The following RFC2 variants were observed in gnomAD, a reference collection of about 807,000 sequenced individuals.
The protein encoded by RFC2 is replication factor C subunit 2.
In RFC2, 34 loss-of-function variants were observed where a neutral mutation model predicts 44.8. The ratio of observed to expected loss-of-function variants is 0.76; its 90% confidence interval spans 0.58 to 1.01. RFC2 has a LOEUF of 1.01. RFC2 is among the 50% of genes least tolerant of loss of function. The pLI is 0.00. For missense variants in RFC2, 400 were observed against 453.6 expected (o/e 0.88, Z 1.07); for synonymous variants, 177 against 168.9 (o/e 1.05, Z -0.37).
chr7:74,253,139 C>T (rs1787066834), intron 1 of RFC2, among the ~76,000 whole-genome samples: 1 of 152,128 alleles, frequency 6.6e-6, no homozygotes, highest in South Asian at 2.1e-4. Flanking sequence ...AGAGGCCCAG[C>T]ACATACAGCA....
At chr7:74,250,043 C>T (rs1350333442) in intron 2 of RFC2, among the ~76,000 whole-genome samples, 1 of 151,460 alleles carries the variant, frequency 6.6e-6, no homozygotes, top group Non-Finnish European at 1.5e-5. Context: ...CTCCCAGCTA[C>T]TCGGGAGGCT....
At position 74,244,140 on chromosome 7, in the gene RFC2, C is replaced by T. The variant is rs1554719656; in HGVS notation, c.435-894G>A. Reference sequence around the variant, plus strand: ...AAAATTGTCTGGGCGTGGTGGCGCACGTCTGTAGTCCCAGCTACTCGTGAG... The same window carrying T: ...AAAATTGTCTGGGCGTGGTGGCGCATGTCTGTAGTCCCAGCTACTCGTGAG... On this transcript the variant is annotated intron_variant, in intron 5 of 10. Coordinates refer to ENST00000055077, the MANE Select transcript of RFC2 (RefSeq NM_181471.3). 2.7e-5 allele frequency among the ~76,000 whole-genome samples: 4 copies of T among 149,168 alleles called. No homozygotes were observed. The South Asian group carries it at 6.4e-4, about 24-fold the overall frequency.
chr7:74,241,267 T>C (rs1269982303), intron 6 of RFC2, among the ~76,000 whole-genome samples: 2 of 152,206 alleles, frequency 1.3e-5, no homozygotes, highest in African/African-American at 4.8e-5. Flanking sequence ...CTCCATTTCA[T>C]TGCTGGCATC....
chr7:74,252,367 A>G (rs1787014066), intron 2 of RFC2, 62 bp downstream of exon 2: 3 of 877,086 alleles, frequency 3.4e-6, no homozygotes. Context: ...AGATCGCACC[A>G]CTGCACTCCA....
intron 7 of RFC2, 73 bp from the exon 8 acceptor site, chr7:74,239,061 C>T (rs1390316692): frequency 8.2e-7 from 1 of 1,224,178 alleles, no homozygotes; most frequent in Non-Finnish European, 1.2e-6. Context: ...AGGAGTCTCG[C>T]TATGTTGCCC....
chr7:74,249,065 C>G lies in RFC2; in HGVS notation c.279G>C (p.Leu93=). ...TTSILCLARA[L]LGPALKDAML... ...TGGCATCTTTGAGTGCTGGGCCCAG[C>G]AGGGCCCGGGCCAAGCACAGAATGC... Residue 93 remains leucine (L), a synonymous_variant, in exon 4 of 11, where the codon CTG becomes CTC. Coordinates refer to ENST00000055077, the MANE Select transcript of RFC2 (RefSeq NM_181471.3). The G allele has an allele frequency of 1.2e-6, 2 of 1,614,026 alleles. No homozygotes were observed. The highest frequency in any genetic ancestry group is 2.2e-5 in the South Asian group (2 of 91,082).
At chr7:74,249,966 A>C in intron 2 of RFC2, 186 bp from the exon 3 acceptor site, 1 of 622,226 alleles carries the variant, frequency 1.6e-6, no homozygotes, top group Non-Finnish European at 3.0e-6. Flanking sequence ...AGCCTGGGCA[A>C]CACAGTGAGA....
At chr7:74,248,921 C>T in intron 4 of RFC2, 91 bp downstream of exon 4, 5 of 871,094 alleles carry the variant, frequency 5.7e-6, no homozygotes, top group South Asian at 1.4e-5. Context: ...GGCAAGGCTT[C>T]GCATACAACC....
chr7:74,243,998 C>G (rs1803469409), intron 5 of RFC2, among the ~76,000 whole-genome samples: 1 of 150,828 alleles, frequency 6.6e-6, no homozygotes, highest in Non-Finnish European at 1.5e-5. Flanking sequence ...TGCCTGTAAT[C>G]CCAGCACATT....
rs977824947 is a variant in RFC2, at chr7:74,231,783, G to A, written c.*323C>T. The A allele has an allele frequency of 6.7e-5, 13 of 194,830 alleles. No homozygotes were observed. Among genetic ancestry groups the A allele is most frequent in the Admixed American group, 2.8e-4 (5 of 18,150 alleles). The allele number at this position is 194,830 out of a possible 1,614,324, so 12.1% of individuals were successfully genotyped here. ...CAACCTCCACCTCCTGGGTTCAAGC[G>A]ATTCTCCTGCCACAGCCTCCCGAGT... On this transcript the variant is annotated 3_prime_UTR_variant, in exon 11 of 11. Transcript: ENST00000055077.
chr7:74,245,839 T>G (rs1031884067), intron 5 of RFC2, among the ~76,000 whole-genome samples: 1 of 151,848 alleles, frequency 6.6e-6, no homozygotes, highest in African/African-American at 2.4e-5. Flanking sequence ...GGCGGGTAGA[T>G]CACCTGAAGT....
Position 74,254,317 on chromosome 7 carries a change from C to T in RFC2, c.67G>A (p.Ala23Thr), listed in dbSNP as rs376625414. Residue 23 changes from alanine (A) to threonine (T), a missense_variant, in exon 1 of 11, where the codon GCC (alanine) becomes ACC (threonine). Transcript: ENST00000055077. Reference protein sequence around the residue: ...VEAQDSDPAPAFSKAPGSAGH... With the variant: ...VEAQDSDPAPTFSKAPGSAGH... The stretch of plus-strand genomic sequence containing the variant: ...GCGCTGCCGGGGGCCTTGCTGAAGG[C>T]AGGGGCAGGGTCAGAGTCCTGGGCC... 9 of 1,612,712 alleles carry T rather than the reference C, an allele frequency of 5.6e-6. No homozygotes were observed. Among genetic ancestry groups the T allele is most frequent in the Non-Finnish European group, 7.6e-6 (9 of 1,179,650 alleles).
rs1554718490 is a variant in RFC2 at position 74,237,362 on chromosome 7, C to A, written c.840G>T (p.Lys280Asn). Residue 280 changes from lysine (K) to asparagine (N), a missense_variant and splice_region_variant, in exon 9 of 11, where the codon AAG (lysine) becomes AAT (asparagine). Coordinates refer to ENST00000055077, the MANE Select transcript of RFC2 (RefSeq NM_181471.3). ...CCAGGACGGGGGGAAGGAGGCCAAC[C>A]TTGTAGGCTTCGTCAATGTTGGCAT... ...CVNANIDEAYKILAHLWHLGY... is the reference protein window; with the variant it reads ...CVNANIDEAYNILAHLWHLGY... 6.2e-7 allele frequency: 1 copy of A among 1,602,686 alleles called. No individual in the cohort carries two copies. The highest frequency in any genetic ancestry group is 8.5e-7 in the Non-Finnish European group (1 of 1,174,868).
Position 74,239,945 on chromosome 7 carries a change from A to C in RFC2, c.686T>G (p.Met229Arg). 6.2e-7 allele frequency: 1 copy of C among 1,604,876 alleles called. No homozygotes were observed. Among genetic ancestry groups the C allele is most frequent in the Non-Finnish European group, 8.5e-7 (1 of 1,175,612 alleles). The change falls in exon 7 of 11, where the codon ATG (methionine) becomes AGG (arginine). Residue 229 changes from methionine (M) to arginine (R), a missense_variant. Met to Arg is a moderately conservative substitution (Grantham distance 91). Coordinates refer to ENST00000055077, the MANE Select transcript of RFC2 (RefSeq NM_181471.3). ...EAIIFTAQGD[M>R]RQALNNLQST... is the part of the protein sequence containing the mutation. Reference sequence around the variant, plus strand: ...TGGTAGCAGCCCACATACCTGCCTCATGTCTCCCTGGGCCGTGAAGATGAT... The same window carrying C: ...TGGTAGCAGCCCACATACCTGCCTCCTGTCTCCCTGGGCCGTGAAGATGAT...
intron 3 of RFC2, 37 bp downstream of exon 3, chr7:74,249,702 A>G (rs899459889): frequency 1.9e-6 from 3 of 1,570,270 alleles, no homozygotes; most frequent in Non-Finnish European, 2.6e-6. Flanking sequence ...GGGATGAGAC[A>G]TGGAGACACT....
chr7:74,240,079 G>A lies in RFC2; in HGVS notation c.552C>T (p.Arg184=). The A allele has an allele frequency of 6.2e-7, 1 of 1,613,982 alleles. No homozygotes were observed. The highest frequency in any genetic ancestry group is 8.5e-7 in the Non-Finnish European group (1 of 1,179,914). The part of the protein sequence containing the change: ...SDKIIEPIQS[R]CAVLRYTKLT... Reference sequence around the variant, plus strand: ...GCTTTGTGTACCGGAGGACTGCACAGCGGGACTGAATGGGCTCTGAACAGA... The same window carrying A: ...GCTTTGTGTACCGGAGGACTGCACAACGGGACTGAATGGGCTCTGAACAGA... The change falls in exon 7 of 11, where the codon CGC becomes CGT. Residue 184 remains arginine (R), a synonymous_variant. Transcript: ENST00000055077.
In RFC2 at chr7:74,244,096, CA is replaced by C. The variant is rs1179272254; in HGVS notation, c.435-851del. Among the ~76,000 whole-genome samples, 384 of 41,648 alleles carry C rather than the reference CA, an allele frequency of 9.2e-3. 1 individual carries two copies. The highest frequency in any genetic ancestry group is 0.031 in the Middle Eastern group (2 of 64). 27.3% of individuals were successfully genotyped at this position (41,648 alleles called of 152,430 possible). On this transcript the variant is annotated intron_variant, in intron 5 of 10. Coordinates refer to ENST00000055077, the MANE Select transcript of RFC2 (RefSeq NM_181471.3). ...CAAAACGTCAACTCTACTAAAAATA[CA>C]AAAAAAAAAAAAAAAAAAAAATTGT...
At position 74,245,826 on chromosome 7, in the gene RFC2, C is replaced by T. The variant is rs147168726; in HGVS notation, c.434+836G>A. ...CTATAATCCCAGCATTTTGGGAGGC[C>T]GAGGCGGGTAGATCACCTGAAGTCA... is the stretch of plus-strand genomic sequence containing the variant. On this transcript the variant is annotated intron_variant, in intron 5 of 10. Coordinates refer to ENST00000055077, the MANE Select transcript of RFC2 (RefSeq NM_181471.3). 6.4e-3 allele frequency among the ~76,000 whole-genome samples: 975 copies of T among 151,894 alleles called. 3 individuals carry two copies. The highest frequency in any genetic ancestry group is 0.012 in the Admixed American group (187 of 15,202).
intron 6 of RFC2, among the ~76,000 whole-genome samples, chr7:74,242,859 G>T (rs1803414255): frequency 6.6e-6 from 1 of 151,694 alleles, no homozygotes. Flanking sequence ...GGAGGTGGAG[G>T]TTGCAGTGAT....
Sources: allele counts gnomAD v4.1 joint callset (sites outside exome capture counted in the v4.1 genomes callset), GRCh38; gene constraint gnomAD v4.1.1; transcripts MANE v1.5; gene names NCBI Gene and HGNC (gene_info 2026-07-23, HGNC 2026-07-21).